MCTP2: variants seen among roughly 807,000 people sequenced by gnomAD.
MCTP2 encodes the protein multiple C2 and transmembrane domain containing 2.
MCTP2 carries 132 observed loss-of-function variants against 111.6 expected under a neutral mutation model. That is an observed-to-expected ratio of 1.18 (90% CI 1.03 to 1.37). The LOEUF (loss-of-function observed/expected upper bound fraction) is 1.37. Ranked by LOEUF, MCTP2 falls within the 40% of genes most tolerant of loss-of-function variation. The pLI is 0.00. For synonymous variants in MCTP2, 395 were observed against 387.7 expected (o/e 1.02, Z -0.22); for missense variants, 1,183 against 1,067.9 (o/e 1.11, Z -1.50).
At chr15:94,340,722 T>C in intron 6 of MCTP2, 91 bp from the exon 7 acceptor site, 1 of 703,194 alleles carries the variant, frequency 1.4e-6, no homozygotes, top group African/African-American at 1.8e-5. Context: ...TATTCAGAGG[T>C]AGGAGACTTT....
At chr15:94,473,790 C>T (rs2074119178) in intron 21 of MCTP2, among the ~76,000 whole-genome samples, 1 of 152,180 alleles carries the variant, frequency 6.6e-6, no homozygotes, top group African/African-American at 2.4e-5. Flanking sequence ...GCAAGGAACC[C>T]CTGCCTCACC....
intron 1 of MCTP2, among the ~76,000 whole-genome samples, chr15:94,237,687 C>A (rs1234164028): frequency 6.6e-6 from 1 of 152,144 alleles, no homozygotes; most frequent in African/African-American, 2.4e-5. Flanking sequence ...GTCACATGTG[C>A]ATCTGTAAAG....
chr15:94,409,294 G>T (rs932330351), intron 17 of MCTP2, among the ~76,000 whole-genome samples: 4 of 152,134 alleles, frequency 2.6e-5, no homozygotes, highest in Non-Finnish European at 4.4e-5. Flanking sequence ...GAGTTCTTCA[G>T]TTGAGGAACT....
intron 20 of MCTP2, among the ~76,000 whole-genome samples, chr15:94,469,360 C>T (rs190965460): frequency 3.3e-5 from 5 of 152,232 alleles, no homozygotes; most frequent in Non-Finnish European, 7.4e-5. Flanking sequence ...CCATGCCAGT[C>T]AAAGCAGGCA....
chr15:94,355,745 A>G (rs2152423546), intron 8 of MCTP2, among the ~76,000 whole-genome samples: 1 of 152,336 alleles, frequency 6.6e-6, no homozygotes, highest in South Asian at 2.1e-4. Context: ...ATGCCCAGAG[A>G]TATTTTGCTT....
intron 4 of MCTP2, 92 bp from the exon 5 acceptor site, chr15:94,339,198 C>T (rs2077511266): frequency 3.3e-6 from 3 of 912,736 alleles, no homozygotes; most frequent in African/African-American, 1.7e-5. Flanking sequence ...AGACATTAGC[C>T]TGGGGAGTGG....
At chr15:94,249,817 A>G (rs2072283383) in intron 1 of MCTP2, among the ~76,000 whole-genome samples, 1 of 152,094 alleles carries the variant, frequency 6.6e-6, no homozygotes, top group Non-Finnish European at 1.5e-5. Context: ...CTCTTCAGGT[A>G]GCTGTCATGA....
intron 17 of MCTP2, among the ~76,000 whole-genome samples, chr15:94,434,513 A>T (rs555136117): frequency 6.6e-6 from 1 of 152,150 alleles, no homozygotes; most frequent in South Asian, 2.1e-4. Context: ...TTACATTCAG[A>T]TGTATAATCC....
chr15:94,328,130 T>TC (rs1452315734), intron 4 of MCTP2, among the ~76,000 whole-genome samples: 1 of 114,432 alleles, frequency 8.7e-6, no homozygotes, highest in African/African-American at 4.2e-5. Context: ...TTATTTCTTT[T>TC]CTTTTTTTTT....
intron 1 of MCTP2, among the ~76,000 whole-genome samples, chr15:94,274,286 A>G (rs2074067958): frequency 6.6e-6 from 1 of 152,236 alleles, no homozygotes; most frequent in African/African-American, 2.4e-5. Flanking sequence ...AGGGAAATTT[A>G]TAACATCAAA....
At chr15:94,313,964 C>T (rs1192347430) in intron 2 of MCTP2, among the ~76,000 whole-genome samples, 1 of 152,368 alleles carries the variant, frequency 6.6e-6, no homozygotes, top group Middle Eastern at 3.4e-3. Context: ...GGATCTGGCA[C>T]AGTGGCTGTG....
At chr15:94,308,901 T>A (rs978645439) in intron 2 of MCTP2, among the ~76,000 whole-genome samples, 1 of 152,346 alleles carries the variant, frequency 6.6e-6, no homozygotes, top group African/African-American at 2.4e-5. Flanking sequence ...ACTGACTGTT[T>A]TATACCATCA....
At chr15:94,392,371 CA>C (rs371531421) in intron 14 of MCTP2, among the ~76,000 whole-genome samples, 1,873 of 137,628 alleles carry the variant, frequency 0.014, 25 homozygotes, top group Middle Eastern at 0.061. Flanking sequence ...GACTCCATCT[CA>C]AAAAAAAAAA....
At chr15:94,321,316 A>G (rs2076620093) in intron 4 of MCTP2, among the ~76,000 whole-genome samples, 3 of 152,240 alleles carry the variant, frequency 2.0e-5, no homozygotes, top group Admixed American at 2.0e-4. Flanking sequence ...GAATATTCCC[A>G]ACACAAATGA....
At chr15:94,237,382 C>T (rs1240119263) in intron 1 of MCTP2, among the ~76,000 whole-genome samples, 1 of 151,494 alleles carries the variant, frequency 6.6e-6, no homozygotes, top group Admixed American at 6.6e-5. Context: ...AGGACGTCCT[C>T]AATGTGGAAA....
intron 1 of MCTP2, among the ~76,000 whole-genome samples, chr15:94,277,428 G>T (rs931769762): frequency 1.3e-5 from 2 of 152,100 alleles, no homozygotes; most frequent in Non-Finnish European, 2.9e-5. Flanking sequence ...CAGCCCAGAG[G>T]TTCTTCAGTA....
intron 1 of MCTP2, among the ~76,000 whole-genome samples, chr15:94,281,537 G>C (rs1045791106): frequency 6.6e-6 from 1 of 152,052 alleles, no homozygotes; most frequent in African/African-American, 2.4e-5. Flanking sequence ...CTTTTAAGTG[G>C]GGTATTTAGC....
intron 1 of MCTP2, among the ~76,000 whole-genome samples, chr15:94,243,736 T>TACAC (rs772618006): frequency 2.1e-5 from 3 of 140,576 alleles, no homozygotes; most frequent in Admixed American, 1.4e-4. Context: ...CATATGTGTA[T>TACAC]ACATATATGT....
intron 21 of MCTP2, among the ~76,000 whole-genome samples, chr15:94,475,428 T>C (rs1169779914): frequency 1.3e-5 from 2 of 152,178 alleles, no homozygotes; most frequent in African/African-American, 2.4e-5. Context: ...TATAATGCCA[T>C]GCAGGAAGCC....
Sources: allele counts gnomAD v4.1 joint callset (sites outside exome capture counted in the v4.1 genomes callset), GRCh38; gene constraint gnomAD v4.1.1; transcripts MANE v1.5; gene names NCBI Gene and HGNC (gene_info 2026-07-23, HGNC 2026-07-21).